KIF1A: variants seen among roughly 807,000 people sequenced by gnomAD.
KIF1A encodes the protein kinesin-like protein KIF1A.
In KIF1A, 46 loss-of-function variants were observed where a neutral mutation model predicts 227.3. The observed-to-expected ratio is 0.20, with a 90% CI of 0.16 to 0.26. The LOEUF is 0.26. Among genes scored for constraint, KIF1A ranks in the 10% least tolerant of loss-of-function variants. The probability of loss-of-function intolerance (pLI) is 1.00; values close to 1 mark genes in which losing one functional copy is unlikely to be tolerated. For missense variants in KIF1A, 1,683 were observed against 2,485.9 expected (o/e 0.68, Z 6.87); for synonymous variants, 1,022 against 1,012.8 (o/e 1.01, Z -0.17).
intron 23 of KIF1A, among the ~76,000 whole-genome samples, chr2:240,762,104 C>T (rs557326605): frequency 3.1e-4 from 47 of 152,246 alleles, no homozygotes; most frequent in African/African-American, 7.5e-4. Context: ...GAGGGAGCTT[C>T]GCTGGGTAAA....
chr2:240,796,308 C>T (rs1174139997), intron 2 of KIF1A, among the ~76,000 whole-genome samples: 1 of 152,220 alleles, frequency 6.6e-6, no homozygotes, highest in African/African-American at 2.4e-5. Context: ...CCACAAAAGG[C>T]CAGGGCTGCA....
chr2:240,745,992 G>A (rs1224346327), intron 30 of KIF1A, 47 bp downstream of exon 30: 3 of 1,601,108 alleles, frequency 1.9e-6, no homozygotes, highest in Non-Finnish European at 2.6e-6. Context: ...TCAGGAACCA[G>A]GTCTCAGCAT....
At chr2:240,737,362 G>A in intron 37 of KIF1A, 194 bp from the exon 38 acceptor site, 1 of 523,128 alleles carries the variant, frequency 1.9e-6, no homozygotes, top group South Asian at 2.3e-5. Flanking sequence ...TGTAGTTGCT[G>A]CTCCACGGTC....
At chr2:240,719,636 C>T (rs2045038233) in intron 46 of KIF1A, 138 bp downstream of exon 46, 2 of 1,026,246 alleles carry the variant, frequency 1.9e-6, no homozygotes, top group South Asian at 1.8e-5. Flanking sequence ...CCTGAACCTC[C>T]AGTATGGGCA....
rs1559522279 is a variant in KIF1A at position 240,780,760 on chromosome 2, C to CACAGCTCCACACACACACACACACACA, written c.882+1829_882+1830insTGTGTGTGTGTGTGTGTGTGGAGCTGT. Among the ~76,000 whole-genome samples, 128 of 138,228 alleles carry CACAGCTCCACACACACACACACACACA rather than the reference C, an allele frequency of 9.3e-4. 4 individuals are homozygous for CACAGCTCCACACACACACACACACACA. The highest frequency in any genetic ancestry group is 3.5e-3 in the African/African-American group (122 of 34,678). The allele number at this position is 138,228 out of a possible 152,430, so 90.7% of individuals were successfully genotyped here. A position where few individuals can be genotyped will look rare whatever the true frequency, so the allele number is the denominator to read the frequency against. Reference sequence around the variant, plus strand: ...GGACACACAGTTCTCTGCAGGCTCCCCACACAGCTCCACACACACACACAC... The same window carrying CACAGCTCCACACACACACACACACACA: ...GGACACACAGTTCTCTGCAGGCTCCCACAGCTCCACACACACACACACACACACACACAGCTCCACACACACACACAC... On this transcript the variant is annotated intron_variant, in intron 10 of 48. Coordinates refer to ENST00000498729, the MANE Select transcript of KIF1A (RefSeq NM_001244008.2).
chr2:240,730,594 C>T (rs2046489068), intron 38 of KIF1A, among the ~76,000 whole-genome samples: 1 of 152,210 alleles, frequency 6.6e-6, no homozygotes, highest in Non-Finnish European at 1.5e-5. Context: ...CAGGCTGAGG[C>T]CACAGATGGC....
chr2:240,793,649 C>T lies in KIF1A; in HGVS notation c.106+3998G>A, dbSNP rs942193838. 7.9e-5 allele frequency among the ~76,000 whole-genome samples: 12 copies of T among 152,260 alleles called. No homozygotes were observed. The highest frequency in any genetic ancestry group is 2.1e-4 in the South Asian group (1 of 4,836). On this transcript the variant is annotated intron_variant, in intron 2 of 48. Transcript: ENST00000498729. This position sits in a 1 kb window ranked among gnomAD's most constrained non-coding sequence, Gnocchi z 4.8. ...GTCGGACCGAAGTGCACCTAATGGA[C>T]AGCTCAGCTGGCTCACAAAACTGCT...
chr2:240,718,237 A>T, intron 47 of KIF1A, 69 bp from the exon 48 acceptor site: 2 of 1,100,468 alleles, frequency 1.8e-6, no homozygotes, highest in Non-Finnish European at 2.7e-6. Context: ...CCTGCTCCCC[A>T]GGGCCCAGGC....
chr2:240,815,173 A>G (rs1381833387), intron 1 of KIF1A, among the ~76,000 whole-genome samples: 2 of 152,204 alleles, frequency 1.3e-5, no homozygotes, highest in Non-Finnish European at 2.9e-5. Flanking sequence ...AACTGAGTAC[A>G]GTCCCACCCC....
Position 240,726,950 on chromosome 2 carries a change from A to G in KIF1A, c.4008-10T>C. On this transcript the variant is annotated splice_polypyrimidine_tract_variant and intron_variant, in intron 38 of 48. Coordinates refer to ENST00000498729, the MANE Select transcript of KIF1A (RefSeq NM_001244008.2). The surrounding 1 kb of genome is among the most constrained non-coding windows in gnomAD (Gnocchi z 5.2). ...AAATTGGTAAAAGGTCCTGAAAGGA[A>G]GCAGAGACAAAGTAGAAGTTGATGG... 1.3e-6 allele frequency: 2 copies of G among 1,547,770 alleles called. No homozygotes were observed. The highest frequency in any genetic ancestry group is 1.8e-6 in the Non-Finnish European group (2 of 1,127,200).
chr2:240,763,899 C>T (rs1255989208), intron 20 of KIF1A, among the ~76,000 whole-genome samples: 1 of 152,202 alleles, frequency 6.6e-6, no homozygotes, highest in Non-Finnish European at 1.5e-5. Flanking sequence ...CTAGCAGGCA[C>T]AGGTGGCTGC....
At chr2:240,803,593 T>G (rs1301590189) in intron 1 of KIF1A, among the ~76,000 whole-genome samples, 2 of 152,186 alleles carry the variant, frequency 1.3e-5, no homozygotes, top group African/African-American at 2.4e-5. Context: ...AGATGATAAA[T>G]GGATGAATAC....
At position 240,772,724 on chromosome 2, in the gene KIF1A, G is replaced by A. The variant is rs2052172556; in HGVS notation, c.1181-128C>T. 3 of 721,884 alleles carry A rather than the reference G, an allele frequency of 4.2e-6. No homozygotes were observed. In the East Asian group the frequency reaches 8.2e-5, roughly 20 times the overall value. 44.7% of individuals were successfully genotyped at this position (721,884 alleles called of 1,614,324 possible). A position where few individuals can be genotyped will look rare whatever the true frequency, so the allele number is the denominator to read the frequency against. ...GCAGTGGGTGTGTGGCCACAAGCAG[G>A]GTGGTGAAGGTCTTCAGCTCCAGAA... On this transcript the variant is annotated intron_variant, in intron 13 of 48. Coordinates refer to ENST00000498729, the MANE Select transcript of KIF1A (RefSeq NM_001244008.2).
chr2:240,736,361 A>C lies in KIF1A; in HGVS notation c.4007+702T>G, dbSNP rs1390061365. 6.6e-6 allele frequency among the ~76,000 whole-genome samples: 1 copy of C among 151,946 alleles called. No homozygotes were observed. The highest frequency in any genetic ancestry group is 1.5e-5 in the Non-Finnish European group (1 of 67,978). On this transcript the variant is annotated intron_variant, in intron 38 of 48. Coordinates refer to ENST00000498729, the MANE Select transcript of KIF1A (RefSeq NM_001244008.2). The surrounding 1 kb of genome is among the most constrained non-coding windows in gnomAD (Gnocchi z 4.7). The stretch of plus-strand genomic sequence containing the variant: ...CGCCTCACTTTCCCCAAGCCCCTGG[A>C]AGGCAGCGTCTGGGACGCAGTGGAG...
intron 1 of KIF1A, among the ~76,000 whole-genome samples, chr2:240,805,615 C>G (rs940389568): frequency 2.0e-5 from 3 of 152,148 alleles, no homozygotes; most frequent in African/African-American, 7.2e-5. Flanking sequence ...AAGAGCATAG[C>G]ATGAATAACA....
chr2:240,814,223 C>G (rs1260178940), intron 1 of KIF1A, among the ~76,000 whole-genome samples: 3 of 151,846 alleles, frequency 2.0e-5, no homozygotes, highest in Non-Finnish European at 4.4e-5. Context: ...AAATGCGAAC[C>G]CCATCCTTAC....
intron 5 of KIF1A, 98 bp from the exon 6 acceptor site, chr2:240,786,611 G>A: frequency 8.8e-7 from 1 of 1,136,192 alleles, no homozygotes; most frequent in South Asian, 1.4e-5. Flanking sequence ...TCAACATAAG[G>A]ACCCCTGAGT....
At position 240,763,962 on chromosome 2, in the gene KIF1A, A is replaced by T. The variant is rs192814345; in HGVS notation, c.1769-616T>A. 4.3e-3 allele frequency among the ~76,000 whole-genome samples: 645 copies of T among 149,844 alleles called. 4 individuals are homozygous for T. Among genetic ancestry groups the T allele is most frequent in the African/African-American group, 0.015 (600 of 40,670 alleles). On this transcript the variant is annotated intron_variant, in intron 20 of 48. Coordinates refer to ENST00000498729, the MANE Select transcript of KIF1A (RefSeq NM_001244008.2). ...CATGGGCATCAGTCCAGCCCCTCCCACCCCAGCACCCGGCTGGACCCCCCT... is the reference window on the plus strand; with the variant it reads ...CATGGGCATCAGTCCAGCCCCTCCCTCCCCAGCACCCGGCTGGACCCCCCT...
Position 240,744,057 on chromosome 2 carries a change from C to G in KIF1A, c.3469G>C (p.Ala1157Pro). 6.2e-7 allele frequency: 1 copy of G among 1,606,752 alleles called. No individual in the cohort carries two copies. Among genetic ancestry groups the G allele is most frequent in the Non-Finnish European group, 8.5e-7 (1 of 1,173,500 alleles). The change falls in exon 33 of 49, where the codon GCA becomes CCA. Residue 1157 changes from alanine (A) to proline (P), a missense_variant. Physicochemically the swap from Ala to Pro is conservative, Grantham distance 27. Coordinates refer to ENST00000498729, the MANE Select transcript of KIF1A (RefSeq NM_001244008.2). ...PLGFYHVQNI[A>P]VEVTKSFIEY... ...ATGAAGGACTTGGTCACCTCCACTG[C>G]GATCTGGTGGGCAGGCAGGTGGGAG...
Sources: allele counts gnomAD v4.1 joint callset (sites outside exome capture counted in the v4.1 genomes callset), GRCh38; gene constraint gnomAD v4.1.1; non-coding constraint Gnocchi (gnomAD v3.1); transcripts MANE v1.5; gene names NCBI Gene and HGNC (gene_info 2026-07-23, HGNC 2026-07-21).